TRPM7: variants seen among roughly 807,000 people sequenced by gnomAD.
The protein encoded by TRPM7 is LTRPC ion channel family member 7.
Under a neutral mutation model 229.7 loss-of-function variants are expected in TRPM7, and 134 were observed. The observed-to-expected ratio is 0.58, with a 90% CI of 0.51 to 0.67. The LOEUF is 0.67. TRPM7 is among the 30% of genes least tolerant of loss of function. The pLI is 0.00. For missense variants in TRPM7, 1,901 were observed against 2,210.0 expected (o/e 0.86, Z 2.80); for synonymous variants, 699 against 715.2 (o/e 0.98, Z 0.36).
At chr15:50,577,840 AT>A (rs2054208956) in intron 31 of TRPM7, among the ~76,000 whole-genome samples, 4 of 152,222 alleles carry the variant, frequency 2.6e-5, no homozygotes, top group Admixed American at 2.6e-4. Context: ...ATGGAAGTAA[AT>A]TCAATATATT....
At chr15:50,643,600 G>A (rs756834919) in intron 4 of TRPM7, 47 bp from the exon 5 acceptor site, 2 of 1,509,416 alleles carry the variant, frequency 1.3e-6, no homozygotes, top group Non-Finnish European at 1.8e-6. Flanking sequence ...ATGTTCACAG[G>A]TTTCATAATG....
intron 4 of TRPM7, among the ~76,000 whole-genome samples, chr15:50,647,041 ATC>A (rs1358644635): frequency 9.9e-5 from 15 of 152,246 alleles, no homozygotes; most frequent in African/African-American, 3.6e-4. Flanking sequence ...TGCCTAACAC[ATC>A]TCTGAGAACA....
In TRPM7 at chr15:50,591,828, A is replaced by T. The variant is rs150350174; in HGVS notation, c.4324+83T>A. ...AATTATACTCTATGAAAAGATAATG[A>T]CTTGTAACAGTACATATTTCTATTA... On this transcript the variant is annotated intron_variant, in intron 26 of 38. Transcript: ENST00000646667. The T allele has an allele frequency of 1.5e-5, 15 of 999,896 alleles. No homozygotes were observed. The African/African-American group carries it at 2.2e-4, about 14-fold the overall frequency. The allele number at this position is 999,896 out of a possible 1,614,324, so 61.9% of individuals were successfully genotyped here.
intron 9 of TRPM7, among the ~76,000 whole-genome samples, chr15:50,632,427 T>C (rs1235605443): frequency 1.3e-5 from 2 of 152,224 alleles, no homozygotes; most frequent in African/African-American, 2.4e-5. Flanking sequence ...TATGTATTTA[T>C]AGGCTTGCTA....
chr15:50,561,917 G>A (rs1030602271), intron 38 of TRPM7, 109 bp from the exon 39 acceptor site: 7 of 1,152,438 alleles, frequency 6.1e-6, no homozygotes, highest in Middle Eastern at 3.1e-4. Flanking sequence ...TTTTCAAGAC[G>A]GAGTTTCGCT....
intron 1 of TRPM7, among the ~76,000 whole-genome samples, chr15:50,680,761 G>A (rs1238446454): frequency 1.3e-5 from 2 of 152,006 alleles, no homozygotes; most frequent in African/African-American, 4.8e-5. Context: ...CATAACACCT[G>A]TCATCTGAGG....
Position 50,561,561 on chromosome 15 carries a change from C to T in TRPM7, c.*117G>A. 1 of 1,227,754 alleles carries T rather than the reference C, an allele frequency of 8.1e-7. No homozygotes were observed. The allele number at this position is 1,227,754 out of a possible 1,614,324, so 76.1% of individuals were successfully genotyped here. A position where few individuals can be genotyped will look rare whatever the true frequency, so the allele number is the denominator to read the frequency against. ...GACCTTTTAACTGTGCTGGAGTCAG[C>T]AAATTCAACTTGCATACACCTTTCT... On this transcript the variant is annotated 3_prime_UTR_variant, in exon 39 of 39. Transcript: ENST00000646667.
At chr15:50,609,211 A>G (rs1414475228) in intron 19 of TRPM7, among the ~76,000 whole-genome samples, 3 of 152,188 alleles carry the variant, frequency 2.0e-5, no homozygotes, top group Non-Finnish European at 4.4e-5. Flanking sequence ...GTTTATTTCT[A>G]GACTTTTATG....
At chr15:50,621,225 G>A (rs1190335423) in intron 12 of TRPM7, among the ~76,000 whole-genome samples, 3 of 149,646 alleles carry the variant, frequency 2.0e-5, no homozygotes, top group African/African-American at 7.4e-5. Context: ...AGTTCTCTCT[G>A]CCAATTCTCC....
chr15:50,593,973 G>A (rs985327018), intron 24 of TRPM7, among the ~76,000 whole-genome samples: 3 of 152,102 alleles, frequency 2.0e-5, no homozygotes, highest in African/African-American at 7.2e-5. Context: ...CTCCTCTTCT[G>A]ATTTCCTTTT....
At chr15:50,641,418 T>C (rs905656922) in intron 5 of TRPM7, among the ~76,000 whole-genome samples, 1 of 152,152 alleles carries the variant, frequency 6.6e-6, no homozygotes, top group African/African-American at 2.4e-5. Context: ...TGCCTTATGT[T>C]TTTCTTGTAC....
At chr15:50,684,044 G>C (rs961355496) in intron 1 of TRPM7, among the ~76,000 whole-genome samples, 1 of 151,942 alleles carries the variant, frequency 6.6e-6, no homozygotes, top group African/African-American at 2.4e-5. Context: ...TAGAGACGGG[G>C]TTTCACCATG....
chr15:50,641,433 C>T (rs746897459), intron 5 of TRPM7, among the ~76,000 whole-genome samples: 2 of 152,130 alleles, frequency 1.3e-5, no homozygotes, highest in Non-Finnish European at 2.9e-5. Flanking sequence ...TTGTACCTTG[C>T]TTCCTCATTT....
At chr15:50,609,084 T>C (rs1027118586) in intron 19 of TRPM7, among the ~76,000 whole-genome samples, 2 of 152,204 alleles carry the variant, frequency 1.3e-5, no homozygotes, top group African/African-American at 4.8e-5. Context: ...AAGCCAATTA[T>C]ATGGAAGGTA....
At chr15:50,576,390 A>C (rs183524710) in intron 31 of TRPM7, among the ~76,000 whole-genome samples, 53 of 152,364 alleles carry the variant, frequency 3.5e-4, no homozygotes, top group Admixed American at 1.4e-3. Context: ...GAAGACAAAG[A>C]CAAGTCAAAT....
intron 38 of TRPM7, among the ~76,000 whole-genome samples, chr15:50,567,942 G>A (rs1044739585): frequency 7.2e-5 from 11 of 151,878 alleles, no homozygotes; most frequent in East Asian, 1.9e-4. Context: ...AGCCGGGCGC[G>A]GTGGCAGGCG....
chr15:50,660,309 T>C (rs779644574), intron 2 of TRPM7, among the ~76,000 whole-genome samples: 6 of 152,114 alleles, frequency 3.9e-5, no homozygotes, highest in Non-Finnish European at 5.9e-5. Flanking sequence ...AAACATAAAA[T>C]ATTTTCTCAA....
intron 1 of TRPM7, among the ~76,000 whole-genome samples, chr15:50,679,320 G>C: frequency 6.9e-6 from 1 of 145,498 alleles, no homozygotes; most frequent in Non-Finnish European, 1.5e-5. Context: ...GGGCAACAGA[G>C]CAAAACACTA....
intron 5 of TRPM7, among the ~76,000 whole-genome samples, chr15:50,642,979 A>G (rs1284947854): frequency 6.6e-6 from 1 of 152,088 alleles, no homozygotes; most frequent in Non-Finnish European, 1.5e-5. Context: ...TGTATTTCAA[A>G]TATCTAATTG....
Sources: allele counts gnomAD v4.1 joint callset (sites outside exome capture counted in the v4.1 genomes callset), GRCh38; gene constraint gnomAD v4.1.1; transcripts MANE v1.5; gene names NCBI Gene and HGNC (gene_info 2026-07-23, HGNC 2026-07-21).